The following RPN2 variants were observed in gnomAD, a reference collection of about 807,000 sequenced individuals.
The protein encoded by RPN2 is dolichyl-diphosphooligosaccharide--protein glycosyltransferase subunit 2.
RPN2 carries 29 observed loss-of-function variants against 71.4 expected under a neutral mutation model. The observed-to-expected ratio is 0.41, with a 90% CI of 0.30 to 0.55. The LOEUF (loss-of-function observed/expected upper bound fraction) is 0.55. Ranked by LOEUF, RPN2 falls within the 20% of genes least tolerant of loss-of-function variation. RPN2 has a pLI of 0.35. For synonymous variants in RPN2, 308 were observed against 305.0 expected, an observed-to-expected ratio of 1.01 and a Z score of -0.10; for missense variants, 726 against 774.1, an observed-to-expected ratio of 0.94 and a Z score of 0.74.
chr20:37,226,363 C>T (rs2068077399), intron 11 of RPN2, among the ~76,000 whole-genome samples: 1 of 152,150 alleles, frequency 6.6e-6, no homozygotes, highest in African/African-American at 2.4e-5. Context: ...TGGCACTAGA[C>T]TCGAGGCTTT....
rs1323529432 is a variant in RPN2 at position 37,187,250 on chromosome 20, C to G, written c.207+2877C>G. Among the ~76,000 whole-genome samples the G allele has an allele frequency of 4.3e-4, 4 of 9,196 alleles. 1 individual carries two copies. Among genetic ancestry groups the G allele is most frequent in the Non-Finnish European group, 1.6e-3 (4 of 2,516 alleles). 6.0% of individuals were successfully genotyped at this position (9,196 alleles called of 152,430 possible). On this transcript the variant is annotated intron_variant, in intron 2 of 16. Coordinates refer to ENST00000237530, the MANE Select transcript of RPN2 (RefSeq NM_002951.5). ...GGGCGCGGTGGCTCAAGCCTGTAAT[C>G]CCAGCACTTTGGGAGGCCGAGGCGG...
At chr20:37,185,220 G>A (rs1316316458) in intron 2 of RPN2, among the ~76,000 whole-genome samples, 1 of 149,984 alleles carries the variant, frequency 6.7e-6, no homozygotes, top group Non-Finnish European at 1.5e-5. Flanking sequence ...GCTCACTGCA[G>A]TCTCTGTCTC....
chr20:37,228,102 A>G lies in RPN2; in HGVS notation c.1300-448A>G, dbSNP rs74579416. Among the ~76,000 whole-genome samples, 174 of 152,262 alleles carry G rather than the reference A, an allele frequency of 1.1e-3. 7 individuals are homozygous for G. The East Asian group carries it at 0.026, about 23-fold the overall frequency. ...GAACTCTGCCTTACCATCAATACCC[A>G]AGCCTCCTCTACTAAATCTTTAGCT... On this transcript the variant is annotated intron_variant, in intron 11 of 16. Transcript: ENST00000237530.
intron 16 of RPN2, among the ~76,000 whole-genome samples, chr20:37,237,221 C>G (rs1176077420): frequency 6.6e-6 from 1 of 152,150 alleles, no homozygotes; most frequent in Non-Finnish European, 1.5e-5. Context: ...ACACCATCTC[C>G]CCGGGACCCA....
At chr20:37,232,219 C>A in intron 13 of RPN2, 77 bp from the exon 14 acceptor site, 1 of 1,560,184 alleles carries the variant, frequency 6.4e-7, no homozygotes, top group Non-Finnish European at 8.8e-7. Flanking sequence ...GACATTGATG[C>A]TTTGGTCCCC....
intron 9 of RPN2, among the ~76,000 whole-genome samples, chr20:37,216,338 C>CA (rs1271458854): frequency 6.6e-6 from 1 of 151,944 alleles, no homozygotes; most frequent in African/African-American, 2.4e-5. Context: ...GACTCTGTCT[C>CA]AAAAAAATAA....
At chr20:37,235,718 T>G (rs2068368136) in intron 15 of RPN2, among the ~76,000 whole-genome samples, 1 of 152,208 alleles carries the variant, frequency 6.6e-6, no homozygotes, top group Non-Finnish European at 1.5e-5. Flanking sequence ...CGGTGCGATC[T>G]TGGCTCACTG....
intron 11 of RPN2, among the ~76,000 whole-genome samples, chr20:37,226,758 C>T (rs1323844340): frequency 6.6e-6 from 1 of 152,110 alleles, no homozygotes; most frequent in Non-Finnish European, 1.5e-5. Context: ...CCCTGAGAAC[C>T]TAATATGGCC....
intron 5 of RPN2, among the ~76,000 whole-genome samples, chr20:37,204,303 G>A (rs1043118240): frequency 6.6e-6 from 1 of 152,208 alleles, no homozygotes; most frequent in Non-Finnish European, 1.5e-5. Context: ...CACGTTGGTT[G>A]CCTAGTCATG....
intron 2 of RPN2, among the ~76,000 whole-genome samples, chr20:37,185,822 C>G (rs6017457): frequency 6.6e-6 from 1 of 152,216 alleles, no homozygotes; most frequent in Non-Finnish European, 1.5e-5. Flanking sequence ...GGTCAGAAGT[C>G]TAGACAGGCT....
At position 37,236,611 on chromosome 20, in the gene RPN2, T is replaced by C; in HGVS notation, c.1785T>C (p.Thr595=). 6.2e-7 allele frequency: 1 copy of C among 1,614,140 alleles called. No homozygotes were observed. Among genetic ancestry groups the C allele is most frequent in the Non-Finnish European group, 8.5e-7 (1 of 1,179,946 alleles). The change falls in exon 16 of 17, where the codon ACT becomes ACC. Residue 595 remains threonine (T), a synonymous_variant. Coordinates refer to ENST00000237530, the MANE Select transcript of RPN2 (RefSeq NM_002951.5). ...TGGGACTCATGTATGTCTACTGGAC[T>C]CAGCTCAACATGTTCCAGACCTTGA... ...AMLGLMYVYW[T]QLNMFQTLKY...
At chr20:37,180,452 T>A (rs573739782) in intron 1 of RPN2, among the ~76,000 whole-genome samples, 88 of 152,334 alleles carry the variant, frequency 5.8e-4, no homozygotes, top group African/African-American at 2.0e-3. Context: ...ATACCTAACA[T>A]ATTAAGTGCT....
rs1002604596 is a variant in RPN2, at chr20:37,233,069, G to GA, written c.1677+689dup. On this transcript the variant is annotated intron_variant, in intron 14 of 16. Coordinates refer to ENST00000237530, the MANE Select transcript of RPN2 (RefSeq NM_002951.5). The stretch of plus-strand genomic sequence containing the variant: ...CATCTCTACTAAAATCAGAAAATTA[G>GA]AAAAAAAAAAATTAATGGTGACGTA... 6.7e-5 allele frequency among the ~76,000 whole-genome samples: 10 copies of GA among 148,854 alleles called. No individual in the cohort carries two copies. The East Asian group carries it at 7.9e-4, about 12-fold the overall frequency.
intron 2 of RPN2, among the ~76,000 whole-genome samples, chr20:37,195,711 G>A (rs915914591): frequency 2.0e-5 from 3 of 152,076 alleles, no homozygotes; most frequent in East Asian, 1.9e-4. Flanking sequence ...CAGTGTTGTC[G>A]TTCCATTGTT....
At chr20:37,206,063 G>A (rs1254791837) in intron 6 of RPN2, among the ~76,000 whole-genome samples, 2 of 152,136 alleles carry the variant, frequency 1.3e-5, no homozygotes, top group Admixed American at 1.3e-4. Flanking sequence ...CTTTCATGTT[G>A]ACTGTGAATA....
chr20:37,235,797 T>C (rs967058309), intron 15 of RPN2, among the ~76,000 whole-genome samples: 2 of 151,984 alleles, frequency 1.3e-5, no homozygotes, highest in African/African-American at 4.8e-5. Flanking sequence ...ATTATAGGCC[T>C]GCGCCACCAC....
chr20:37,222,113 C>T (rs1236502605), intron 9 of RPN2, among the ~76,000 whole-genome samples: 1 of 152,166 alleles, frequency 6.6e-6, no homozygotes, highest in Non-Finnish European at 1.5e-5. Context: ...GTGTTTTTTG[C>T]AAGAAAGCTT....
At chr20:37,238,693 T>C (rs1252021787) in intron 16 of RPN2, 1 of 728,496 alleles carries the variant, frequency 1.4e-6, no homozygotes, top group African/African-American at 1.7e-5. Flanking sequence ...TTGGCCTGGC[T>C]TTGACTGTAT....
At chr20:37,184,078 C>G (rs2066944026) in intron 1 of RPN2, 102 bp from the exon 2 acceptor site, 1 of 1,393,532 alleles carries the variant, frequency 7.2e-7, no homozygotes, top group Admixed American at 1.7e-5. Context: ...TCGCCCTTCC[C>G]CATGTGATTT....
Sources: allele counts gnomAD v4.1 joint callset (sites outside exome capture counted in the v4.1 genomes callset), GRCh38; gene constraint gnomAD v4.1.1; transcripts MANE v1.5; gene names NCBI Gene and HGNC (gene_info 2026-07-23, HGNC 2026-07-21).